The following MSI1 variants were observed in gnomAD, a reference collection of about 807,000 sequenced individuals.
The protein encoded by MSI1 is musashi RNA binding protein 1.
In MSI1, 15 loss-of-function variants were observed where a neutral mutation model predicts 54.4. The ratio of observed to expected loss-of-function variants is 0.28; its 90% CI spans 0.18 to 0.42. The LOEUF is 0.42. Among genes scored for constraint, MSI1 ranks in the 20% least tolerant of loss-of-function variants. The pLI, the probability that MSI1 is intolerant of heterozygous loss-of-function variation, is 1.00. For missense variants in MSI1, 304 were observed against 506.0 expected, an observed-to-expected ratio of 0.60 and a Z score of 3.83; for synonymous variants, 200 against 196.5, an observed-to-expected ratio of 1.02 and a Z score of -0.15.
At chr12:120,361,238 TGAAC>T (rs1411591894) in intron 6 of MSI1, among the ~76,000 whole-genome samples, 1 of 150,584 alleles carries the variant, frequency 6.6e-6, no homozygotes, top group African/African-American at 2.5e-5. Flanking sequence ...AATGAATGAA[TGAAC>T]GAACCAGCCA....
At chr12:120,344,188 C>A (rs1243490501) in intron 14 of MSI1, among the ~76,000 whole-genome samples, 1 of 152,074 alleles carries the variant, frequency 6.6e-6, no homozygotes, top group Non-Finnish European at 1.5e-5. Context: ...GTGTACTATA[C>A]CACTGTACAC....
Position 120,353,520 on chromosome 12 carries a change from C to G in MSI1, c.653-141G>C, listed in dbSNP as rs984098776. 8.6e-5 allele frequency: 65 copies of G among 755,488 alleles called. 1 individual carries two copies. The highest frequency in any genetic ancestry group is 7.8e-4 in the South Asian group (47 of 60,260). 46.8% of individuals were successfully genotyped at this position (755,488 alleles called of 1,614,324 possible). Reference sequence around the variant, plus strand: ...TACCCTCCAAATACCTTCTTCATACCAAGCCCTGTGCCAAGCACACTGCAC... The same window carrying G: ...TACCCTCCAAATACCTTCTTCATACGAAGCCCTGTGCCAAGCACACTGCAC... On this transcript the variant is annotated intron_variant, in intron 9 of 14. Coordinates refer to ENST00000257552, the MANE Select transcript of MSI1 (RefSeq NM_002442.4).
Position 120,346,269 on chromosome 12 carries a change from C to A in MSI1, c.913G>T (p.Gly305Trp). 2 of 1,590,272 alleles carry A rather than the reference C, an allele frequency of 1.3e-6. No homozygotes were observed. Among genetic ancestry groups the A allele is most frequent in the South Asian group, 1.1e-5 (1 of 87,374 alleles). Residue 305 changes from glycine to tryptophan, a missense_variant, in exon 13 of 15, where the codon GGG becomes TGG. Physicochemically the swap from Gly to Trp is radical, Grantham distance 184. Transcript: ENST00000257552. ...GGGCTGGTGGTCCCCAGGAAGCCCC[C>A]TGTGCGGCTGGGAGTCGAACCTGGA... is the stretch of plus-strand genomic sequence containing the variant. ...PPPGSTPSRT[G>W]GFLGTTSPGP...
intron 6 of MSI1, among the ~76,000 whole-genome samples, chr12:120,361,923 G>A (rs1875689672): frequency 6.6e-6 from 1 of 151,852 alleles, no homozygotes; most frequent in Non-Finnish European, 1.5e-5. Context: ...GGGGGCAGGC[G>A]GCCTCCAATC....
intron 5 of MSI1, 68 bp from the exon 6 acceptor site, chr12:120,363,203 G>C (rs890855925): frequency 1.5e-6 from 2 of 1,360,352 alleles, no homozygotes; most frequent in East Asian, 2.3e-5. Flanking sequence ...GCAGGGGCTC[G>C]AGCCCCCCTG....
chr12:120,367,098 G>A (rs905877351), intron 4 of MSI1, among the ~76,000 whole-genome samples: 1 of 152,124 alleles, frequency 6.6e-6, no homozygotes, highest in African/African-American at 2.4e-5. Flanking sequence ...ACAGGAGCTG[G>A]GGACAGGCGG....
chr12:120,345,613 G>C lies in MSI1; in HGVS notation c.1067C>G (p.Ala356Gly). ...GCTTCAGTGGTACCCATTGGTGAAG[G>C]CTGTGGCAATCAAAGGGCCCTGAAA... ...HSLGGPLIAT[A>G]FTNGYH Residue 356 changes from alanine to glycine, a missense_variant, in exon 14 of 15, where the codon GCC becomes GGC. Ala to Gly is a moderately conservative substitution (Grantham distance 60, BLOSUM62 0). Coordinates refer to ENST00000257552, the MANE Select transcript of MSI1 (RefSeq NM_002442.4). 1 of 1,613,902 alleles carries C rather than the reference G, an allele frequency of 6.2e-7. No individual in the cohort carries two copies. The highest frequency in any genetic ancestry group is 8.5e-7 in the Non-Finnish European group (1 of 1,179,954).
At chr12:120,339,995 A>C (rs2136865417), downstream of MSI1, among the ~76,000 whole-genome samples, 1 of 151,814 alleles carries the variant, frequency 6.6e-6, no homozygotes, top group South Asian at 2.1e-4. Flanking sequence ...TCACCCAGGC[A>C]AGTCTCGAAC....
intron 11 of MSI1, among the ~76,000 whole-genome samples, chr12:120,349,876 G>A (rs1042240867): frequency 5.3e-5 from 8 of 152,212 alleles, no homozygotes; most frequent in African/African-American, 1.9e-4. Flanking sequence ...AGTCAGAGGA[G>A]CCAACCCCAG....
Position 120,346,238 on chromosome 12 carries a change from G to T in MSI1, c.944C>A (p.Pro315His). 6.3e-7 allele frequency: 1 copy of T among 1,595,864 alleles called. No homozygotes were observed. The highest frequency in any genetic ancestry group is 2.3e-5 in the East Asian group (1 of 44,210). The part of the protein sequence containing the change: ...GGFLGTTSPG[P>H]MAELYGAANQ... ...GGCCGCCCCGTAGAGCTCGGCCATG[G>T]GGCCGGGGCTGGTGGTCCCCAGGAA... is the stretch of plus-strand genomic sequence containing the variant. Residue 315 changes from proline to histidine, a missense_variant, in exon 13 of 15, where the codon CCC (proline) becomes CAC (histidine). Transcript: ENST00000257552.
At chr12:120,343,747 G>C (rs908035828) in intron 14 of MSI1, among the ~76,000 whole-genome samples, 1 of 152,134 alleles carries the variant, frequency 6.6e-6, no homozygotes, top group Non-Finnish European at 1.5e-5. Context: ...CCTGGAATGG[G>C]GCTCATAAAT....
intron 6 of MSI1, among the ~76,000 whole-genome samples, chr12:120,362,084 A>T (rs905179663): frequency 6.6e-5 from 10 of 151,102 alleles, no homozygotes; most frequent in Admixed American, 2.6e-4. Flanking sequence ...TCCCGGACCC[A>T]GGTGCCCACC....
At chr12:120,363,185 C>T (rs73221336) in intron 5 of MSI1, 50 bp from the exon 6 acceptor site, 91,068 of 1,531,184 alleles carry the variant, frequency 0.059, 3,164 homozygotes, top group Non-Finnish European at 0.071. Context: ...TGTGGCCTAC[C>T]GCCACCAGCA....
In MSI1 at chr12:120,345,789, C is replaced by A. The variant is rs192450290; in HGVS notation, c.1048-157G>T. ...AGGTCTGCCTACCCGGATCACCCCC[C>A]ACTGCAGGTCTGCTCAAAGATTCTC... is the stretch of plus-strand genomic sequence containing the variant. On this transcript the variant is annotated intron_variant, in intron 13 of 14. Transcript: ENST00000257552. Among the ~76,000 whole-genome samples, 318 of 152,070 alleles carry A rather than the reference C, an allele frequency of 2.1e-3. 2 individuals carry two copies. Among genetic ancestry groups the A allele is most frequent in the Non-Finnish European group, 3.3e-3 (221 of 67,964 alleles).
chr12:120,364,345 A>G (rs546993114), intron 5 of MSI1, among the ~76,000 whole-genome samples: 4 of 152,126 alleles, frequency 2.6e-5, no homozygotes, highest in Non-Finnish European at 5.9e-5. Context: ...TTAGGGTCTA[A>G]GTCTGTCCTG....
chr12:120,363,211 C>G, intron 5 of MSI1, 76 bp from the exon 6 acceptor site: 1 of 1,272,388 alleles, frequency 7.9e-7, no homozygotes, highest in African/African-American at 1.5e-5. Flanking sequence ...TCGAGCCCCC[C>G]TGCCAGGATG....
rs756205567 is a variant in MSI1 at position 120,368,151 on chromosome 12, G to A, written c.182+41C>T. 10 of 1,584,676 alleles carry A rather than the reference G, an allele frequency of 6.3e-6. No individual in the cohort carries two copies. Among genetic ancestry groups the A allele is most frequent in the African/African-American group, 1.3e-5 (1 of 74,360 alleles). On this transcript the variant is annotated intron_variant, in intron 3 of 14. Transcript: ENST00000257552. The surrounding 1 kb of genome is among the most constrained non-coding windows in gnomAD (Gnocchi z 6.6). ...ACAAGGCAGTGAGTGGCGGGTGGAG[G>A]GGGGCGAGCCGGGAGCAGGAGGAGG...
intron 12 of MSI1, among the ~76,000 whole-genome samples, chr12:120,346,735 A>G (rs1377697940): frequency 3.3e-5 from 5 of 151,936 alleles, no homozygotes; most frequent in Non-Finnish European, 5.9e-5. Flanking sequence ...TCAACCAGAA[A>G]CACTTTTCCT....
At chr12:120,357,041 A>G (rs368814174) in intron 8 of MSI1, 22 bp from the exon 9 acceptor site, 11 of 1,602,366 alleles carry the variant, frequency 6.9e-6, no homozygotes, top group Admixed American at 1.7e-5. Context: ...CCTGGCGGTT[A>G]GTCTTTCCCA....
Sources: allele counts gnomAD v4.1 joint callset (sites outside exome capture counted in the v4.1 genomes callset), GRCh38; gene constraint gnomAD v4.1.1; non-coding constraint Gnocchi (gnomAD v3.1); transcripts MANE v1.5; gene names NCBI Gene and HGNC (gene_info 2026-07-23, HGNC 2026-07-21).